The following RALGAPB variants were observed in gnomAD, a reference collection of about 807,000 sequenced individuals.
The protein encoded by RALGAPB is ral GTPase-activating protein subunit beta.
Under a neutral mutation model 161.1 loss-of-function variants are expected in RALGAPB, and 25 were observed. That is an observed-to-expected ratio of 0.16 (90% CI 0.11 to 0.22). The LOEUF is 0.22. RALGAPB is among the 10% of genes least tolerant of loss of function. The pLI is 1.00. For synonymous variants in RALGAPB, 629 were observed against 626.1 expected, an observed-to-expected ratio of 1.00 and a Z score of -0.07; for missense variants, 1,391 against 1,815.2, an observed-to-expected ratio of 0.77 and a Z score of 4.25.
At position 38,553,927 on chromosome 20, in the gene RALGAPB, C is replaced by G; in HGVS notation, c.3223C>G (p.His1075Asp). The change falls in exon 22 of 30, where the codon CAC (histidine) becomes GAC (aspartate). Residue 1075 changes from histidine to aspartate, a missense_variant. This residue lies in a region of RALGAPB where 436 missense variants were observed against 527.0 expected (regional missense o/e 0.83). Transcript: ENST00000262879. ...GGCCCAGCAGATTGCTTATGAAATA[C>G]ACCTTGAGCAACAGAGTGAGGAGGA... ...GMAQQIAYEI[H>D]LEQQSEEELQ... 6.2e-7 allele frequency: 1 copy of G among 1,612,960 alleles called. No homozygotes were observed. Among genetic ancestry groups the G allele is most frequent in the Non-Finnish European group, 8.5e-7 (1 of 1,179,622 alleles).
chr20:38,542,825 A>C (rs528552828), intron 18 of RALGAPB, among the ~76,000 whole-genome samples: 5 of 151,418 alleles, frequency 3.3e-5, no homozygotes, highest in Non-Finnish European at 7.4e-5. Context: ...CAGTGAGCCG[A>C]GATCACACCA....
chr20:38,484,027 A>C (rs1391393052), intron 1 of RALGAPB, among the ~76,000 whole-genome samples: 1 of 152,072 alleles, frequency 6.6e-6, no homozygotes, highest in African/African-American at 2.4e-5. Flanking sequence ...AAAAATACAA[A>C]AATTAGCCAG....
intron 1 of RALGAPB, among the ~76,000 whole-genome samples, chr20:38,484,518 T>G (rs1036248536): frequency 6.6e-6 from 1 of 152,230 alleles, no homozygotes; most frequent in African/African-American, 2.4e-5. Flanking sequence ...ATAAGTTCTT[T>G]TTTAGCTGAC....
chr20:38,501,308 A>T (rs921309257), intron 5 of RALGAPB, among the ~76,000 whole-genome samples: 9 of 152,178 alleles, frequency 5.9e-5, no homozygotes, highest in Admixed American at 1.3e-4. Flanking sequence ...CTATATACTA[A>T]GAATGATGTT....
chr20:38,510,124 A>G (rs971947387), intron 6 of RALGAPB, among the ~76,000 whole-genome samples: 1 of 119,444 alleles, frequency 8.4e-6, no homozygotes, highest in Admixed American at 9.2e-5. Context: ...AAACACACAC[A>G]CGCACATACA....
At chr20:38,509,973 T>C (rs1174230452) in intron 6 of RALGAPB, among the ~76,000 whole-genome samples, 1 of 152,218 alleles carries the variant, frequency 6.6e-6, no homozygotes, top group Non-Finnish European at 1.5e-5. Context: ...GTGATCTTAG[T>C]TTTTAAATGT....
intron 6 of RALGAPB, among the ~76,000 whole-genome samples, chr20:38,510,924 A>T (rs1301114592): frequency 8.3e-6 from 1 of 120,040 alleles, no homozygotes; most frequent in Non-Finnish European, 1.5e-5. Flanking sequence ...AAAAAAAAAA[A>T]AAGAAAATCT....
At chr20:38,492,101 A>G (rs145048500) in intron 2 of RALGAPB, among the ~76,000 whole-genome samples, 1 of 152,264 alleles carries the variant, frequency 6.6e-6, no homozygotes, top group South Asian at 2.1e-4. Flanking sequence ...ACCACATGAC[A>G]GAATAGTATT....
intron 22 of RALGAPB, among the ~76,000 whole-genome samples, chr20:38,557,895 A>T (rs2087643866): frequency 6.6e-6 from 1 of 152,234 alleles, no homozygotes; most frequent in African/African-American, 2.4e-5. Context: ...CAAGGTGTGC[A>T]GTTGCTGCAT....
chr20:38,532,613 G>T, intron 14 of RALGAPB, 117 bp from the exon 15 acceptor site: 1 of 1,248,820 alleles, frequency 8.0e-7, no homozygotes. Context: ...GTTACTATCA[G>T]TTTGTACTAT....
At chr20:38,558,783 A>G (rs1045842948) in intron 23 of RALGAPB, among the ~76,000 whole-genome samples, 2 of 152,218 alleles carry the variant, frequency 1.3e-5, no homozygotes. Flanking sequence ...AGATTAGCTA[A>G]TGAACTGTTG....
At chr20:38,557,898 T>C (rs1454002573) in intron 22 of RALGAPB, among the ~76,000 whole-genome samples, 12 of 152,252 alleles carry the variant, frequency 7.9e-5, no homozygotes, top group Admixed American at 7.8e-4. Context: ...GGTGTGCAGT[T>C]GCTGCATTGC....
Position 38,574,927 on chromosome 20 carries a change from C to T in RALGAPB, c.4445C>T (p.Ser1482Leu). The change falls in exon 30 of 30, where the codon TCA becomes TTA. Residue 1482 changes from serine to leucine, a missense_variant. Ser to Leu is a moderately radical substitution (Grantham distance 145). Transcript: ENST00000262879. ...NKQLEPEFYTSLFQEVGLKNC... is the reference protein window; with the variant it reads ...NKQLEPEFYTLLFQEVGLKNC... ...CAGCTGGAGCCAGAGTTTTATACTT[C>T]ACTTTTCCAGGAGGTTGGACTCAAG... 1.2e-6 allele frequency: 2 copies of T among 1,613,914 alleles called. No homozygotes were observed. The highest frequency in any genetic ancestry group is 1.1e-5 in the South Asian group (1 of 91,070).
In RALGAPB at chr20:38,553,887, A is replaced by T; in HGVS notation, c.3183A>T (p.Lys1061Asn). Residue 1061 changes from lysine (K) to asparagine (N), a missense_variant, in exon 22 of 30, where the codon AAA becomes AAT. By Grantham distance (94) the Lys-to-Asn change is moderately conservative. Transcript: ENST00000262879. ...TACAGTTAGAAGAGAGACACGAAAA[A>T]TTAAGGAGTGGCATGGCCCAGCAGA... ...VTEELEERHEKLRSGMAQQIA... is the reference protein window; with the variant it reads ...VTEELEERHENLRSGMAQQIA... 1 of 1,612,774 alleles carries T rather than the reference A, an allele frequency of 6.2e-7. No homozygotes were observed. Among genetic ancestry groups the T allele is most frequent in the Non-Finnish European group, 8.5e-7 (1 of 1,178,904 alleles).
rs996127656 is a variant in RALGAPB, at chr20:38,540,104, C to T, written c.2562+146C>T. The T allele has an allele frequency of 2.1e-5, 14 of 662,950 alleles. No individual in the cohort carries two copies. In the African/African-American group the frequency reaches 2.4e-4, roughly 11 times the overall value. The allele number at this position is 662,950 out of a possible 1,614,324, so 41.1% of individuals were successfully genotyped here. A position where few individuals can be genotyped will look rare whatever the true frequency, so the allele number is the denominator to read the frequency against. ...GTTAGATTACAGTGGAACACTTGTC[C>T]TTTTGGGTACAACTTGAAAACTGTC... On this transcript the variant is annotated intron_variant, in intron 17 of 29. Transcript: ENST00000262879.
At chr20:38,484,758 C>T (rs1370526326) in intron 1 of RALGAPB, among the ~76,000 whole-genome samples, 6 of 152,244 alleles carry the variant, frequency 3.9e-5, no homozygotes, top group East Asian at 1.9e-4. Context: ...TGCAATGGCG[C>T]GATCTCGGCT....
At chr20:38,545,291 A>G (rs939827536) in intron 18 of RALGAPB, among the ~76,000 whole-genome samples, 2 of 152,196 alleles carry the variant, frequency 1.3e-5, no homozygotes, top group African/African-American at 4.8e-5. Context: ...TAATAATGGT[A>G]TATGGGAATA....
chr20:38,556,545 C>G (rs2087592379), intron 22 of RALGAPB, among the ~76,000 whole-genome samples: 4 of 152,084 alleles, frequency 2.6e-5, no homozygotes, highest in Admixed American at 2.0e-4. Context: ...CTATGATATT[C>G]AGTTAAAAAT....
intron 17 of RALGAPB, among the ~76,000 whole-genome samples, 194 bp downstream of exon 17, chr20:38,540,152 A>G (rs1251719076): frequency 6.6e-6 from 1 of 152,196 alleles, no homozygotes; most frequent in East Asian, 1.9e-4. Context: ...TTTGGTTGCA[A>G]ATTAACTCAT....
Sources: gnomAD v4.1 joint callset for allele counts (sites outside exome capture counted in the v4.1 genomes callset) on GRCh38, gnomAD v4.1.1 for gene constraint, gnomAD v4.1.1 regional missense constraint, MANE v1.5 for transcripts, NCBI Gene and HGNC (gene_info 2026-07-23, HGNC 2026-07-21) for gene names.